ACP6: variants seen among roughly 807,000 people sequenced by gnomAD.
ACP6 encodes the protein lysophosphatidic acid phosphatase type 6.
Under a neutral mutation model 48.1 loss-of-function variants are expected in ACP6, and 48 were observed. The ratio of observed to expected loss-of-function variants is 1.00; its 90% confidence interval spans 0.79 to 1.27. ACP6 has a LOEUF of 1.27. ACP6 is among the 50% of genes most tolerant of loss of function. The probability of loss-of-function intolerance (pLI) is 0.00; values close to 1 mark genes in which losing one functional copy is unlikely to be tolerated. For synonymous variants in ACP6, 172 were observed against 204.2 expected, an observed-to-expected ratio of 0.84 and a Z score of 1.34; for missense variants, 485 against 529.1, an observed-to-expected ratio of 0.92 and a Z score of 0.82.
intron 5 of ACP6, 93 bp downstream of exon 5, chr1:147,655,068 G>T: frequency 9.8e-7 from 1 of 1,018,728 alleles, no homozygotes; most frequent in Non-Finnish European, 1.5e-6. Flanking sequence ...AGTAGGGTAA[G>T]CCTGGACAGG....
chr1:147,663,794 T>A (rs1202933550), intron 1 of ACP6, among the ~76,000 whole-genome samples: 1 of 152,196 alleles, frequency 6.6e-6, no homozygotes, highest in African/African-American at 2.4e-5. Context: ...GGACTCCTGT[T>A]CCTATCTGCC....
intron 5 of ACP6, among the ~76,000 whole-genome samples, chr1:147,632,613 G>A (rs1480089262): frequency 6.6e-6 from 1 of 152,054 alleles, no homozygotes; most frequent in Non-Finnish European, 1.5e-5. Context: ...ACAATAGAAT[G>A]TGAAATTGAA....
chr1:147,650,011 G>T, intron 8 of ACP6, 132 bp downstream of exon 8: 1 of 680,724 alleles, frequency 1.5e-6, no homozygotes. Context: ...TTTGACACTT[G>T]AGGCCTGTTA....
chr1:147,641,665 C>T (rs1204240703), downstream of ACP6, among the ~76,000 whole-genome samples: 10 of 152,182 alleles, frequency 6.6e-5, no homozygotes, highest in Admixed American at 6.5e-4. Context: ...TTATGAAGAG[C>T]TTTTCACACC....
intron 1 of ACP6, among the ~76,000 whole-genome samples, chr1:147,662,269 T>A (rs370308858): frequency 1.3e-5 from 2 of 150,744 alleles, no homozygotes; most frequent in East Asian, 2.1e-4. Flanking sequence ...CTGCAGCCCA[T>A]GGCCCAAGGA....
At chr1:147,655,373 G>A in intron 4 of ACP6, 125 bp from the exon 5 acceptor site, 1 of 731,058 alleles carries the variant, frequency 1.4e-6, no homozygotes, top group Admixed American at 2.3e-5. Flanking sequence ...GATCATCAAG[G>A]TTACTCCTTA....
In ACP6 at chr1:147,645,830, A is replaced by G. The variant is rs1321665900; in HGVS notation, c.*1593T>C. On this transcript the variant is annotated 3_prime_UTR_variant, in exon 10 of 10. Coordinates refer to ENST00000583509, the MANE Select transcript of ACP6 (RefSeq NM_016361.5). ...AGATGCAGAGAAAAAAGTTTAAGAG[A>G]TTTTACAGCATATTTGTATTGCTAA... The G allele has an allele frequency of 6.6e-6, 1 of 152,200 alleles. No individual in the cohort carries two copies. Among genetic ancestry groups the G allele is most frequent in the African/African-American group, 2.4e-5 (1 of 41,444 alleles). The allele number at this position is 152,200 out of a possible 1,614,324, so 9.4% of individuals were successfully genotyped here. A position where few individuals can be genotyped will look rare whatever the true frequency, so the allele number is the denominator to read the frequency against.
chr1:147,659,871 C>A, intron 1 of ACP6, 96 bp from the exon 2 acceptor site: 1 of 1,452,726 alleles, frequency 6.9e-7, no homozygotes, highest in South Asian at 1.3e-5. Flanking sequence ...TGGCTGGAAT[C>A]ACTGACACTA....
chr1:147,638,646 G>C (rs1423638834), downstream of ACP6, among the ~76,000 whole-genome samples: 1 of 152,078 alleles, frequency 6.6e-6, no homozygotes, highest in Non-Finnish European at 1.5e-5. Flanking sequence ...TGTATACCAG[G>C]GATTGGGGCT....
chr1:147,655,273 G>A (rs1553211418), intron 4 of ACP6, 25 bp from the exon 5 acceptor site: 2 of 1,538,168 alleles, frequency 1.3e-6, no homozygotes, highest in Non-Finnish European at 1.8e-6. Context: ...GGAAGCACAG[G>A]CAGGCAGAGG....
At chr1:147,631,053 C>G (rs12037951) in exon 6 of ACP6, 124,331 of 152,146 alleles carry the variant, frequency 0.82, 51,167 homozygotes, top group African/African-American at 0.92. Flanking sequence ...GTTATGCTTG[C>G]TACCTGCAAG....
At chr1:147,631,451 T>C (rs774629069) in intron 5 of ACP6, among the ~76,000 whole-genome samples, 129 of 152,240 alleles carry the variant, frequency 8.5e-4, no homozygotes, top group Non-Finnish European at 1.6e-3. Flanking sequence ...ACGTGTTTGT[T>C]TGTTTTTTAA....
intron 4 of ACP6, among the ~76,000 whole-genome samples, chr1:147,655,722 C>G (rs587644722): frequency 6.6e-6 from 1 of 152,296 alleles, no homozygotes; most frequent in Admixed American, 6.5e-5. Context: ...GGCCACAGAT[C>G]CTCTCAGAGA....
At chr1:147,656,279 C>G (rs1486343378) in intron 4 of ACP6, among the ~76,000 whole-genome samples, 1 of 152,194 alleles carries the variant, frequency 6.6e-6, no homozygotes, top group African/African-American at 2.4e-5. Flanking sequence ...TGGGGTTCAT[C>G]TGTAAATCAA....
downstream of ACP6, chr1:147,642,137 C>A (rs1339706439): frequency 6.6e-6 from 1 of 152,134 alleles, no homozygotes; most frequent in Non-Finnish European, 1.5e-5. Flanking sequence ...TTGAACCCAG[C>A]GAAAGCCTTG....
chr1:147,642,222 C>A (rs1011408287), downstream of ACP6: 13 of 152,186 alleles, frequency 8.5e-5, no homozygotes, highest in Admixed American at 7.9e-4. Flanking sequence ...TGGGTGCCAA[C>A]AGAAGAGTTA....
chr1:147,667,635 CA>C (rs1557895623), intron 1 of ACP6, among the ~76,000 whole-genome samples: 1 of 151,514 alleles, frequency 6.6e-6, no homozygotes, highest in African/African-American at 2.4e-5. Context: ...GTACCAAAGA[CA>C]AAAAATTTTT....
At chr1:147,640,031 T>C (rs7539714), downstream of ACP6, among the ~76,000 whole-genome samples, 19,647 of 152,110 alleles carry the variant, frequency 0.13, 1,474 homozygotes, top group East Asian at 0.37. Context: ...TACAGTAAGC[T>C]GCTGGACCCT....
exon 6 of ACP6, chr1:147,629,912 G>A (rs1659116613): frequency 6.6e-6 from 1 of 152,166 alleles, no homozygotes; most frequent in Non-Finnish European, 1.5e-5. Flanking sequence ...CTGTCTCAGT[G>A]CTTAATTGTG....
Sources: gnomAD v4.1 joint callset for allele counts (sites outside exome capture counted in the v4.1 genomes callset) on GRCh38, gnomAD v4.1.1 for gene constraint, MANE v1.5 for transcripts, NCBI Gene and HGNC (gene_info 2026-07-23, HGNC 2026-07-21) for gene names.